STARD13: variants seen among roughly 807,000 people sequenced by gnomAD.
STARD13 encodes stAR-related lipid transfer protein 13.
In STARD13, 62 loss-of-function variants were observed where a neutral mutation model predicts 106.4. The observed-to-expected ratio is 0.58, with a 90% CI of 0.48 to 0.72. STARD13 has a LOEUF of 0.72. Ranked by LOEUF, STARD13 falls within the 30% of genes least tolerant of loss-of-function variation. The pLI is 0.00. For missense variants in STARD13, 1,387 were observed against 1,424.0 expected (o/e 0.97, Z 0.42); for synonymous variants, 565 against 553.0 (o/e 1.02, Z -0.31).
chr13:33,182,232 A>G (rs1204741718), intron 1 of STARD13, among the ~76,000 whole-genome samples: 2 of 152,192 alleles, frequency 1.3e-5, no homozygotes, highest in Non-Finnish European at 2.9e-5. Context: ...TAATAGTCAT[A>G]TCCACTGACT....
At chr13:33,528,250 A>ATATACACATATATATGTATATG in the STARD13 span, among the ~76,000 whole-genome samples, 1 of 129,348 alleles carries the variant, frequency 7.7e-6, no homozygotes, top group African/African-American at 3.5e-5. Context: ...ATACATATAT[A>ATATACACATATATATGTATATG]TATATACATA....
intron 1 of STARD13, among the ~76,000 whole-genome samples, chr13:33,317,085 C>T (rs1893369280): frequency 6.6e-6 from 1 of 152,126 alleles, no homozygotes; most frequent in Admixed American, 6.5e-5. Context: ...TGCCTCAGGG[C>T]TCATTCCCTG....
chr13:33,322,724 C>G (rs1277007218), intron 1 of STARD13, among the ~76,000 whole-genome samples: 1 of 152,122 alleles, frequency 6.6e-6, no homozygotes, highest in African/African-American at 2.4e-5. Flanking sequence ...CTTGATAAGC[C>G]AGGACTTCAG....
In STARD13 at chr13:33,252,926, C is replaced by G. The variant is rs552428883; in HGVS notation, c.169+32544G>C. 1.1e-4 allele frequency among the ~76,000 whole-genome samples: 17 copies of G among 152,338 alleles called. No individual in the cohort carries two copies. In the South Asian group the frequency reaches 3.3e-3, roughly 30 times the overall value. On this transcript the variant is annotated intron_variant, in intron 1 of 13. Coordinates refer to ENST00000336934, the MANE Select transcript of STARD13 (RefSeq NM_178006.4). ...AAGAAGACAGTGAGCACATCACCCA[C>G]CAAGCGAGCTTCCCTAAGGTACTGA...
chr13:33,631,129 C>A, the STARD13 span, among the ~76,000 whole-genome samples: 39 of 152,298 alleles, frequency 2.6e-4, 1 homozygote, highest in South Asian at 8.1e-3. Flanking sequence ...ATAAATCACA[C>A]AGTTTTATGA....
Position 33,165,357 on chromosome 13 carries a change from G to A in STARD13, c.303C>T (p.Asp101=). Residue 101 remains aspartate, a synonymous_variant, in exon 3 of 14, where the codon GAC becomes GAT. Coordinates refer to ENST00000336934, the MANE Select transcript of STARD13 (RefSeq NM_178006.4). ...TTTACCTGCAAAGAGGTTCTACAAG[G>A]TCCTTTTCAAGAAAATCATGATCAT... ...VKNDHDFLEK[D]LVEPLCRRLN... is the part of the protein sequence containing the mutation. 6.2e-7 allele frequency: 1 copy of A among 1,613,446 alleles called. No individual in the cohort carries two copies. Among genetic ancestry groups the A allele is most frequent in the Non-Finnish European group, 8.5e-7 (1 of 1,179,432 alleles).
chr13:33,599,743 C>A, the STARD13 span, among the ~76,000 whole-genome samples: 23 of 152,194 alleles, frequency 1.5e-4, no homozygotes, highest in African/African-American at 4.6e-4. Flanking sequence ...AGAAAGACTT[C>A]TTTATAAACA....
the STARD13 span, among the ~76,000 whole-genome samples, chr13:33,472,196 AT>A: frequency 1.3e-5 from 2 of 151,838 alleles, no homozygotes; most frequent in East Asian, 3.8e-4. Context: ...TTTATTTTTA[AT>A]TTTTGAGGTT....
chr13:33,673,934 C>T, the STARD13 span, among the ~76,000 whole-genome samples: 1 of 151,680 alleles, frequency 6.6e-6, no homozygotes, highest in African/African-American at 2.4e-5. Context: ...GATCTCGGCT[C>T]ATGGCAACCT....
chr13:33,630,706 T>G, the STARD13 span, among the ~76,000 whole-genome samples: 1 of 152,216 alleles, frequency 6.6e-6, no homozygotes, highest in African/African-American at 2.4e-5. Context: ...TTCTTCATAG[T>G]GCTGGATATG....
chr13:33,525,950 C>T, the STARD13 span, among the ~76,000 whole-genome samples: 3 of 152,248 alleles, frequency 2.0e-5, no homozygotes, highest in African/African-American at 7.2e-5. Context: ...CTTCCTTGTG[C>T]CTGGCAGATT....
chr13:33,151,225 G>T (rs1428592983), intron 3 of STARD13, among the ~76,000 whole-genome samples: 1 of 152,160 alleles, frequency 6.6e-6, no homozygotes, highest in Non-Finnish European at 1.5e-5. Context: ...TGCTATTAAG[G>T]AATACCTGAG....
intron 1 of STARD13, among the ~76,000 whole-genome samples, chr13:33,185,536 A>G (rs1254048752): frequency 3.3e-5 from 5 of 152,172 alleles, no homozygotes; most frequent in Non-Finnish European, 5.9e-5. Flanking sequence ...TCTTAAGCTC[A>G]GCCTGGGTCC....
chr13:33,191,312 A>G (rs1886242324), intron 1 of STARD13, among the ~76,000 whole-genome samples: 1 of 152,224 alleles, frequency 6.6e-6, no homozygotes, highest in South Asian at 2.1e-4. Flanking sequence ...TTAATTAACA[A>G]CGTGGCTAGC....
intron 1 of STARD13, among the ~76,000 whole-genome samples, chr13:33,171,758 T>A (rs903813987): frequency 3.3e-5 from 5 of 152,254 alleles, no homozygotes; most frequent in Non-Finnish European, 7.3e-5. Context: ...TTTTCACTGT[T>A]TTACTCAGTA....
chr13:33,603,416 C>A, the STARD13 span, among the ~76,000 whole-genome samples: 4,827 of 152,250 alleles, frequency 0.032, 119 homozygotes, highest in African/African-American at 0.065. Context: ...TGGAACTGAA[C>A]AAGCTCCTAA....
the STARD13 span, among the ~76,000 whole-genome samples, chr13:33,478,397 C>A: frequency 6.6e-6 from 1 of 152,186 alleles, no homozygotes; most frequent in African/African-American, 2.4e-5. Flanking sequence ...TTTTTCAAAT[C>A]TCTTTCCTCA....
intron 1 of STARD13, among the ~76,000 whole-genome samples, chr13:33,174,376 T>C (rs1210668930): frequency 1.3e-5 from 2 of 152,116 alleles, no homozygotes; most frequent in African/African-American, 2.4e-5. Context: ...GCAGTTCTCC[T>C]GCAACTAGGA....
intron 4 of STARD13, among the ~76,000 whole-genome samples, chr13:33,134,375 G>C (rs183759227): frequency 6.6e-6 from 1 of 152,224 alleles, no homozygotes; most frequent in Admixed American, 6.5e-5. Context: ...CATATAGCCC[G>C]TGAGCCATGG....
Sources: gnomAD v4.1 joint callset for allele counts (sites outside exome capture counted in the v4.1 genomes callset) on GRCh38, gnomAD v4.1.1 for gene constraint, MANE v1.5 for transcripts, NCBI Gene and HGNC (gene_info 2026-07-23, HGNC 2026-07-21) for gene names.